PRKAG2: variants seen among roughly 807,000 people sequenced by gnomAD.
PRKAG2 encodes protein kinase AMP-activated non-catalytic subunit gamma 2.
PRKAG2 carries 26 observed loss-of-function variants against 69.6 expected under a neutral mutation model. That is an observed-to-expected ratio of 0.37 (90% confidence interval 0.27 to 0.52). The LOEUF (loss-of-function observed/expected upper bound fraction) is 0.52. PRKAG2 is among the 20% of genes least tolerant of loss of function. PRKAG2 has a pLI of 0.90. For missense variants in PRKAG2, 557 were observed against 740.0 expected (o/e 0.75, Z 2.87); for synonymous variants, 293 against 285.0 (o/e 1.03, Z -0.28).
At position 151,712,469 on chromosome 7, in the gene PRKAG2, C is replaced by T. The variant is rs536307552; in HGVS notation, c.467-36832G>A. On this transcript the variant is annotated intron_variant, in intron 3 of 15. Transcript: ENST00000287878. ...GGGACAGCCCTGCAGGGGCCTTGCT[C>T]TGGCCCACTGTGAAAGGGAAAGTCC... is the stretch of plus-strand genomic sequence containing the variant. Among the ~76,000 whole-genome samples, 154 of 152,370 alleles carry T rather than the reference C, an allele frequency of 1.0e-3. 4 individuals carry two copies. In the South Asian group the frequency reaches 0.031, roughly 31 times the overall value.
chr7:151,598,737 C>T (rs1040297141), intron 5 of PRKAG2, among the ~76,000 whole-genome samples: 16 of 152,094 alleles, frequency 1.1e-4, no homozygotes, highest in South Asian at 1.0e-3. Context: ...TATGGAAATA[C>T]GGACTTACAC....
rs61417635 is a variant in PRKAG2, at chr7:151,688,042, G to GC, written c.467-12406dup. Among the ~76,000 whole-genome samples, 546 of 107,094 alleles carry GC rather than the reference G, an allele frequency of 5.1e-3. 27 individuals are homozygous for GC. Among genetic ancestry groups the GC allele is most frequent in the African/African-American group, 0.014 (437 of 30,516 alleles). 70.3% of individuals were successfully genotyped at this position (107,094 alleles called of 152,430 possible). A position where few individuals can be genotyped will look rare whatever the true frequency, so the allele number is the denominator to read the frequency against. On this transcript the variant is annotated intron_variant, in intron 3 of 15. Transcript: ENST00000287878. The stretch of plus-strand genomic sequence containing the variant: ...AGGAGGAGGAGGAGGAGGAAATGAG[G>GC]CCCCCCCCCGGGCTCCTTGCTGAGT...
intron 15 of PRKAG2, chr7:151,558,726 C>A (rs973535222): frequency 4.1e-6 from 4 of 985,304 alleles, no homozygotes; most frequent in Non-Finnish European, 4.8e-6. Flanking sequence ...ATCTTCACGG[C>A]ACAATTTCTA....
chr7:151,837,797 G>A (rs1264642710), intron 1 of PRKAG2, among the ~76,000 whole-genome samples: 1 of 152,128 alleles, frequency 6.6e-6, no homozygotes, highest in Non-Finnish European at 1.5e-5. Flanking sequence ...CTCCCCTACC[G>A]AGTGGGCCTG....
rs1055244035 is a variant in PRKAG2 at position 151,756,474 on chromosome 7, T to A, written c.466+24678A>T. On this transcript the variant is annotated intron_variant, in intron 3 of 15. Transcript: ENST00000287878. The surrounding 1 kb of genome is among the most constrained non-coding windows in gnomAD (Gnocchi z 4.9). The stretch of plus-strand genomic sequence containing the variant: ...TCAGTGGTGCCTCCAGGCGAGCGGG[T>A]ACCTGCGCTGCTCTCATGCTCAATC... 6.6e-6 allele frequency among the ~76,000 whole-genome samples: 1 copy of A among 152,154 alleles called. No homozygotes were observed. The highest frequency in any genetic ancestry group is 1.5e-5 in the Non-Finnish European group (1 of 68,026).
rs918231368 is a variant in PRKAG2, at chr7:151,779,360, G to A, written c.466+1792C>T. Among the ~76,000 whole-genome samples the A allele has an allele frequency of 5.3e-5, 8 of 152,122 alleles. No homozygotes were observed. In the South Asian group the frequency reaches 6.2e-4, roughly 12 times the overall value. ...TGGTGCCACTGCTGGGCTCCCAAAG[G>A]GACCCTCTGCCTGCAGGGACCCTCC... On this transcript the variant is annotated intron_variant, in intron 3 of 15. Coordinates refer to ENST00000287878, the MANE Select transcript of PRKAG2 (RefSeq NM_016203.4).
intron 1 of PRKAG2, among the ~76,000 whole-genome samples, chr7:151,829,848 C>T (rs1409700199): frequency 6.6e-6 from 1 of 151,734 alleles, no homozygotes; most frequent in East Asian, 1.9e-4. Context: ...GGGGGGAAGC[C>T]AGGCAGGAGA....
intron 4 of PRKAG2, among the ~76,000 whole-genome samples, chr7:151,672,934 C>T (rs1040676523): frequency 2.6e-5 from 4 of 152,140 alleles, no homozygotes; most frequent in East Asian, 1.9e-4. Flanking sequence ...CTCTGATCAC[C>T]GTGGCAAGCC....
chr7:151,737,598 A>C (rs1202565859), intron 3 of PRKAG2, among the ~76,000 whole-genome samples: 1 of 152,114 alleles, frequency 6.6e-6, no homozygotes, highest in Non-Finnish European at 1.5e-5. Flanking sequence ...AAGGGGATGG[A>C]GTGTGGGGTG....
chr7:151,709,670 C>A (rs1357053489), intron 3 of PRKAG2, among the ~76,000 whole-genome samples: 1 of 152,046 alleles, frequency 6.6e-6, no homozygotes, highest in Non-Finnish European at 1.5e-5. Context: ...CTGAATGACA[C>A]ATGTGACATT....
intron 8 of PRKAG2, 42 bp from the exon 9 acceptor site, chr7:151,572,751 A>T (rs757002876): frequency 8.6e-7 from 1 of 1,166,880 alleles, no homozygotes. Context: ...TACATATACA[A>T]CATAGAAAAA....
At chr7:151,748,257 C>T (rs2074423061) in intron 3 of PRKAG2, among the ~76,000 whole-genome samples, 1 of 152,060 alleles carries the variant, frequency 6.6e-6, no homozygotes, top group African/African-American at 2.4e-5. Flanking sequence ...AACAGCTATA[C>T]TTACAGTATA....
chr7:151,811,438 A>G (rs2151853364), intron 1 of PRKAG2, among the ~76,000 whole-genome samples: 1 of 152,340 alleles, frequency 6.6e-6, no homozygotes, highest in Non-Finnish European at 1.5e-5. Flanking sequence ...TGAAGAAGGA[A>G]CACCCCCCAG....
chr7:151,605,415 A>C (rs1817266350), intron 5 of PRKAG2, among the ~76,000 whole-genome samples: 2 of 152,046 alleles, frequency 1.3e-5, no homozygotes, highest in African/African-American at 2.4e-5. Context: ...AATTTATAAT[A>C]AAATTTCTTT....
At chr7:151,646,046 G>T (rs995313812) in intron 4 of PRKAG2, among the ~76,000 whole-genome samples, 25 of 152,136 alleles carry the variant, frequency 1.6e-4, no homozygotes, top group African/African-American at 5.8e-4. Flanking sequence ...TCTCTATTTT[G>T]TTCATTGATT....
rs1837384501 is a variant in PRKAG2, at chr7:151,699,906, G to A, written c.467-24269C>T. On this transcript the variant is annotated intron_variant, in intron 3 of 15. Transcript: ENST00000287878. The surrounding 1 kb of genome is among the most constrained non-coding windows in gnomAD (Gnocchi z 4.5). Reference sequence around the variant, plus strand: ...ATAGCGGAGGAAGAAGGGAGTAGAGGGGCAGTGCTCTGCTGCCACAGGCGG... The same window carrying A: ...ATAGCGGAGGAAGAAGGGAGTAGAGAGGCAGTGCTCTGCTGCCACAGGCGG... Among the ~76,000 whole-genome samples, 1 of 152,130 alleles carries A rather than the reference G, an allele frequency of 6.6e-6. No individual in the cohort carries two copies. Among genetic ancestry groups the A allele is most frequent in the South Asian group, 2.1e-4 (1 of 4,832 alleles).
At chr7:151,824,935 G>A (rs74400276) in intron 1 of PRKAG2, among the ~76,000 whole-genome samples, 11,142 of 152,150 alleles carry the variant, frequency 0.073, 686 homozygotes, top group East Asian at 0.24. Flanking sequence ...TCATCTAGGC[G>A]GGGCACGGTG....
chr7:151,590,159 C>T (rs1489427359), intron 6 of PRKAG2, among the ~76,000 whole-genome samples: 1 of 152,180 alleles, frequency 6.6e-6, no homozygotes, highest in Admixed American at 6.5e-5. Flanking sequence ...ATGGCCACTG[C>T]ACTGGCCACT....
At chr7:151,844,489 G>A (rs764431671) in intron 1 of PRKAG2, among the ~76,000 whole-genome samples, 4 of 152,168 alleles carry the variant, frequency 2.6e-5, no homozygotes, top group South Asian at 2.1e-4. Flanking sequence ...CGTGTCCATC[G>A]GAGCAGTGGT....
Sources: gnomAD v4.1 joint callset for allele counts (sites outside exome capture counted in the v4.1 genomes callset) on GRCh38, gnomAD v4.1.1 for gene constraint, Gnocchi (gnomAD v3.1) non-coding constraint, MANE v1.5 for transcripts, NCBI Gene and HGNC (gene_info 2026-07-23, HGNC 2026-07-21) for gene names.